Variants in GLIS3 observed in about 807,000 individuals in gnomAD.
The protein encoded by GLIS3 is zinc finger protein GLIS3.
GLIS3 carries 53 observed loss-of-function variants against 78.6 expected under a neutral mutation model. The observed-to-expected ratio is 0.67, with a 90% confidence interval of 0.54 to 0.85. GLIS3 has a LOEUF of 0.85. Among genes scored for constraint, GLIS3 ranks in the 40% least tolerant of loss-of-function variants. The probability of loss-of-function intolerance (pLI) is 0.00; values close to 1 mark genes in which losing one functional copy is unlikely to be tolerated. For synonymous variants in GLIS3, 684 were observed against 509.9 expected (o/e 1.34, Z -4.60); for missense variants, 1,703 against 1,231.1 (o/e 1.38, Z -5.74).
intron 1 of GLIS3, among the ~76,000 whole-genome samples, chr9:4,295,748 T>G (rs923206611): frequency 2.6e-5 from 4 of 152,208 alleles, no homozygotes; most frequent in African/African-American, 9.7e-5. Flanking sequence ...TCAAGATAAG[T>G]GTGCTTTTCC....
intron 7 of GLIS3, among the ~76,000 whole-genome samples, chr9:3,892,673 T>C (rs764586681): frequency 1.4e-5 from 2 of 140,472 alleles, no homozygotes; most frequent in African/African-American, 2.5e-5. Context: ...ATAGGAACAG[T>C]TTTTTTTTTC....
chr9:4,238,265 C>T (rs10123647), intron 2 of GLIS3, among the ~76,000 whole-genome samples: 8,079 of 152,162 alleles, frequency 0.053, 714 homozygotes, highest in African/African-American at 0.18. Context: ...CTTAATAGAA[C>T]TCAGTATTTA....
At chr9:4,046,691 C>T (rs919630869) in intron 4 of GLIS3, among the ~76,000 whole-genome samples, 1 of 152,164 alleles carries the variant, frequency 6.6e-6, no homozygotes, top group Non-Finnish European at 1.5e-5. Context: ...GAGGGAAGTA[C>T]ATTCACTGGA....
intron 4 of GLIS3, among the ~76,000 whole-genome samples, chr9:3,957,385 C>G (rs1336774930): frequency 6.6e-6 from 1 of 152,190 alleles, no homozygotes; most frequent in Non-Finnish European, 1.5e-5. Flanking sequence ...TTAAAAGTTG[C>G]TATTGATGTG....
At chr9:4,459,741 C>A in the GLIS3 span, among the ~76,000 whole-genome samples, 16 of 152,172 alleles carry the variant, frequency 1.1e-4, no homozygotes, top group Admixed American at 9.8e-4. Flanking sequence ...CACTGCAGCC[C>A]ATGGCTGCAG....
intron 2 of GLIS3, among the ~76,000 whole-genome samples, chr9:4,218,828 G>C (rs1290079981): frequency 6.6e-6 from 1 of 152,110 alleles, no homozygotes; most frequent in Non-Finnish European, 1.5e-5. Flanking sequence ...ACTTCCCAAA[G>C]CCCAGCTGAT....
intron 4 of GLIS3, among the ~76,000 whole-genome samples, chr9:4,028,776 G>A (rs1013075968): frequency 6.6e-6 from 1 of 152,148 alleles, no homozygotes; most frequent in African/African-American, 2.4e-5. Context: ...ATTTTATATG[G>A]ATTTGTAGCT....
At chr9:4,389,216 T>C in the GLIS3 span, among the ~76,000 whole-genome samples, 1,310 of 152,288 alleles carry the variant, frequency 8.6e-3, 18 homozygotes, top group African/African-American at 0.03. Flanking sequence ...AAGTTGCACA[T>C]CTGACAAAGG....
upstream of GLIS3, among the ~76,000 whole-genome samples, chr9:4,303,183 G>A (rs146395409): frequency 9.2e-5 from 14 of 152,098 alleles, no homozygotes; most frequent in East Asian, 3.9e-4. Context: ...CAAAGTGTCC[G>A]TGAAAAGAAA....
At chr9:4,086,007 G>T (rs1192447667) in intron 4 of GLIS3, among the ~76,000 whole-genome samples, 2 of 152,124 alleles carry the variant, frequency 1.3e-5, no homozygotes, top group African/African-American at 4.8e-5. Flanking sequence ...CTAAAAGACA[G>T]CTATGTTAAA....
intron 4 of GLIS3, among the ~76,000 whole-genome samples, chr9:4,011,682 A>C (rs1255800915): frequency 2.0e-5 from 3 of 152,036 alleles, no homozygotes; most frequent in Non-Finnish European, 4.4e-5. Flanking sequence ...TTGCCCTATG[A>C]TCTTTATTTT....
At chr9:3,896,757 T>C (rs1234813846) in intron 7 of GLIS3, among the ~76,000 whole-genome samples, 2 of 149,164 alleles carry the variant, frequency 1.3e-5, no homozygotes, top group Non-Finnish European at 3.0e-5. Context: ...TTGAGCAACA[T>C]GATCATCTGC....
chr9:3,910,726 C>T (rs113643219), intron 6 of GLIS3, among the ~76,000 whole-genome samples: 22 of 152,192 alleles, frequency 1.4e-4, no homozygotes, highest in African/African-American at 5.1e-4. Flanking sequence ...CAAGTATATT[C>T]ACTTTCCTGA....
intron 4 of GLIS3, among the ~76,000 whole-genome samples, chr9:3,949,075 C>A (rs1816495568): frequency 6.6e-6 from 1 of 152,266 alleles, no homozygotes; most frequent in South Asian, 2.1e-4. Context: ...GTTATTTAAC[C>A]AAGTATTCCC....
intron 6 of GLIS3, among the ~76,000 whole-genome samples, chr9:3,910,842 C>A (rs765825770): frequency 6.6e-6 from 1 of 152,228 alleles, no homozygotes; most frequent in South Asian, 2.1e-4. Context: ...CTGCTTGACA[C>A]ACAGAAGTCA....
chr9:4,375,138 T>C, the GLIS3 span, among the ~76,000 whole-genome samples: 1 of 152,202 alleles, frequency 6.6e-6, no homozygotes, highest in Non-Finnish European at 1.5e-5. Context: ...TTTCCCACTT[T>C]GCAAAAATGA....
chr9:4,455,725 T>C, the GLIS3 span, among the ~76,000 whole-genome samples: 3 of 152,214 alleles, frequency 2.0e-5, no homozygotes, highest in Admixed American at 2.0e-4. Flanking sequence ...CTGAAAGGCA[T>C]ACTGTGGGGA....
chr9:3,910,583 T>C (rs993915321), intron 6 of GLIS3, among the ~76,000 whole-genome samples: 8 of 152,172 alleles, frequency 5.3e-5, no homozygotes, highest in African/African-American at 1.9e-4. Flanking sequence ...ATTCCTGGAC[T>C]CAAGCAATCT....
chr9:3,881,011 C>T (rs566385488), intron 7 of GLIS3, among the ~76,000 whole-genome samples: 12 of 152,306 alleles, frequency 7.9e-5, no homozygotes, highest in African/African-American at 2.6e-4. Context: ...TGTGCGTCAG[C>T]TTCCATACAA....
Sources: allele counts gnomAD v4.1 joint callset (sites outside exome capture counted in the v4.1 genomes callset), GRCh38; gene constraint gnomAD v4.1.1; transcripts MANE v1.5; gene names NCBI Gene and HGNC (gene_info 2026-07-23, HGNC 2026-07-21).